Variants in BBS1 observed in about 807,000 individuals in gnomAD.
BBS1 encodes the protein BBSome complex member BBS1.
Under a neutral mutation model 73.9 loss-of-function variants are expected in BBS1, and 60 were observed. The ratio of observed to expected loss-of-function variants is 0.81; its 90% CI spans 0.66 to 1.01. The LOEUF is 1.01. Among genes scored for constraint, BBS1 ranks in the 50% least tolerant of loss-of-function variants. BBS1 has a pLI of 0.00. For synonymous variants in BBS1, 283 were observed against 317.4 expected, an observed-to-expected ratio of 0.89 and a Z score of 1.15; for missense variants, 718 against 770.3, an observed-to-expected ratio of 0.93 and a Z score of 0.80.
At chr11:66,531,124 G>C in intron 15 of BBS1, 96 bp downstream of exon 15, 1 of 1,527,172 alleles carries the variant, frequency 6.5e-7, no homozygotes, top group East Asian at 2.4e-5. Context: ...GGGTCAGAGC[G>C]TGCGGGTGGC....
At chr11:66,521,718 C>A in intron 9 of BBS1, 1 of 334,854 alleles carries the variant, frequency 3.0e-6, no homozygotes, top group Non-Finnish European at 5.8e-6. Context: ...CCAGCCTGGC[C>A]AACATGGTGA....
At position 66,515,732 on chromosome 11, in the gene BBS1, G is replaced by A. The variant is rs771517209; in HGVS notation, c.518+1G>A. On this transcript the variant is annotated splice_donor_variant, in intron 6 of 16. Coordinates refer to ENST00000318312, the MANE Select transcript of BBS1 (RefSeq NM_024649.5). LOFTEE classifies it high-confidence loss of function. ...AGCCTTTGTCCATCCAGTCACTCAGGTAAGGACCCTGTGGAGGGCCAGGGT... is the reference window on the plus strand; with the variant it reads ...AGCCTTTGTCCATCCAGTCACTCAGATAAGGACCCTGTGGAGGGCCAGGGT... 3 of 1,614,190 alleles carry A rather than the reference G, an allele frequency of 1.9e-6. No homozygotes were observed. The highest frequency in any genetic ancestry group is 2.5e-6 in the Non-Finnish European group (3 of 1,180,040).
In BBS1 at chr11:66,526,734, C is replaced by T. The variant is rs775519437; in HGVS notation, c.1266C>T (p.Ala422=). 2 of 1,614,224 alleles carry T rather than the reference C, an allele frequency of 1.2e-6. No homozygotes were observed. The change falls in exon 13 of 17, where the codon GCC becomes GCT. Residue 422 remains alanine (A), a synonymous_variant. Coordinates refer to ENST00000318312, the MANE Select transcript of BBS1 (RefSeq NM_024649.5). ...AGGTGGGTCCCCCACCAGCCCAGGCCATGAAACTCAATGTGCCCCGAAAGA... is the reference window on the plus strand; with the variant it reads ...AGGTGGGTCCCCCACCAGCCCAGGCTATGAAACTCAATGTGCCCCGAAAGA... ...GSEVGPPPAQ[A]MKLNVPRKTR...
intron 8 of BBS1, 146 bp downstream of exon 8, chr11:66,519,894 A>G (rs1351843377): frequency 1.9e-6 from 2 of 1,048,182 alleles, no homozygotes; most frequent in Middle Eastern, 3.1e-4. Flanking sequence ...ATATCCAAAA[A>G]TCCTACCGCC....
intron 7 of BBS1, among the ~76,000 whole-genome samples, chr11:66,518,253 G>A (rs1856098365): frequency 1.3e-5 from 2 of 149,644 alleles, no homozygotes; most frequent in African/African-American, 4.9e-5. Context: ...CACCGCATCC[G>A]GCCTTTTCTT....
At position 66,533,362 on chromosome 11, in the gene BBS1, C is replaced by T. The variant is rs975812461; in HGVS notation, c.*1325C>T. On this transcript the variant is annotated 3_prime_UTR_variant, in exon 17 of 17. Transcript: ENST00000318312. ...TGCTCCCCTACCCAGCAGTCACTTCCAGTTCATTCAGCTATTTTTAAAATG... is the reference window on the plus strand; with the variant it reads ...TGCTCCCCTACCCAGCAGTCACTTCTAGTTCATTCAGCTATTTTTAAAATG... 1.3e-5 allele frequency: 2 copies of T among 152,238 alleles called. No individual in the cohort carries two copies. Among genetic ancestry groups the T allele is most frequent in the Non-Finnish European group, 1.5e-5 (1 of 68,042 alleles). The allele number at this position is 152,238 out of a possible 1,614,324, so 9.4% of individuals were successfully genotyped here.
At position 66,529,825 on chromosome 11, in the gene BBS1, A is replaced by T. The variant is rs777746992; in HGVS notation, c.1346A>T (p.His449Leu). 3.7e-6 allele frequency: 6 copies of T among 1,610,950 alleles called. No homozygotes were observed. The South Asian group carries it at 4.4e-5, about 12-fold the overall frequency. The change falls in exon 14 of 17, where the codon CAC becomes CTC. Residue 449 changes from histidine (H) to leucine (L), a missense_variant. Transcript: ENST00000318312. The part of the protein sequence containing the change: ...LREREAGTAM[H>L]RAFQTDLYLL... The stretch of plus-strand genomic sequence containing the variant: ...CTGGGACCCTTCTCCACAGCCATGC[A>T]CCGGGCCTTCCAGACAGACCTATAC...
In BBS1 at chr11:66,514,665, A is replaced by T; in HGVS notation, c.419A>T (p.Asn140Ile). Residue 140 changes from asparagine to isoleucine, a missense_variant, in exon 4 of 17, where the codon AAC becomes ATC. Coordinates refer to ENST00000318312, the MANE Select transcript of BBS1 (RefSeq NM_024649.5). ...AATCCTCTGGAACAAGACCTTTGGA[A>T]CCAGGCCAAAGAGGTAAATAAATAA... ...PPNPLEQDLWNQAKEDRIDPL... is the reference protein window; with the variant it reads ...PPNPLEQDLWIQAKEDRIDPL... The T allele has an allele frequency of 6.2e-7, 1 of 1,612,134 alleles. No individual in the cohort carries two copies. The highest frequency in any genetic ancestry group is 8.5e-7 in the Non-Finnish European group (1 of 1,180,026).
At chr11:66,523,356 T>C in intron 9 of BBS1, 100 bp from the exon 10 acceptor site, 1 of 1,541,962 alleles carries the variant, frequency 6.5e-7, no homozygotes, top group Non-Finnish European at 9.0e-7. Context: ...GGGGCCAGTG[T>C]TCCTCCCAGG....
chr11:66,510,755 G>A, intron 1 of BBS1, 49 bp downstream of exon 1: 1 of 1,609,850 alleles, frequency 6.2e-7, no homozygotes, highest in Non-Finnish European at 8.5e-7. Context: ...TGTAAAGAGG[G>A]TCCCTTGGTC....
At chr11:66,528,969 A>C in intron 13 of BBS1, 1 of 119,596 alleles carries the variant, frequency 8.4e-6, no homozygotes, top group Non-Finnish European at 1.4e-5. Flanking sequence ...ACTCTGTCTC[A>C]AAAAAAAAAA....
At chr11:66,516,035 ATC>A in intron 7 of BBS1, 102 bp downstream of exon 7, 7 of 1,138,858 alleles carry the variant, frequency 6.1e-6, no homozygotes, top group Non-Finnish European at 9.1e-6. Context: ...CCCAACCAGT[ATC>A]TCTTTGCTAT....
Position 66,532,205 on chromosome 11 carries a change from G to A in BBS1, c.*168G>A. 1.4e-6 allele frequency: 1 copy of A among 709,060 alleles called. No individual in the cohort carries two copies. The highest frequency in any genetic ancestry group is 2.3e-6 in the Non-Finnish European group (1 of 430,422). The allele number at this position is 709,060 out of a possible 1,614,324, so 43.9% of individuals were successfully genotyped here. A position where few individuals can be genotyped will look rare whatever the true frequency, so the allele number is the denominator to read the frequency against. On this transcript the variant is annotated 3_prime_UTR_variant, in exon 17 of 17. Coordinates refer to ENST00000318312, the MANE Select transcript of BBS1 (RefSeq NM_024649.5). ...CCCCACTGTTGGGCCTATAGTAGCA[G>A]GTTAGTGAGTACCTAGGGCGGCTCA...
chr11:66,523,328 C>A, intron 9 of BBS1, 128 bp from the exon 10 acceptor site: 2 of 1,334,806 alleles, frequency 1.5e-6, no homozygotes, highest in Admixed American at 1.7e-5. Context: ...TGGAAATAAT[C>A]CCAGGGTCAT....
At chr11:66,525,499 G>T (rs941643086) in intron 11 of BBS1, among the ~76,000 whole-genome samples, 13 of 152,114 alleles carry the variant, frequency 8.5e-5, no homozygotes, top group African/African-American at 3.1e-4. Context: ...GGAGGCAGAG[G>T]TTGCAGTGAG....
At chr11:66,526,021 A>G (rs1013044386) in intron 11 of BBS1, 102 bp from the exon 12 acceptor site, 21 of 996,074 alleles carry the variant, frequency 2.1e-5, no homozygotes, top group African/African-American at 6.4e-5. Context: ...GCCTGTCTCT[A>G]TCACTTCTCA....
chr11:66,523,797 G>A lies in BBS1; in HGVS notation c.1025G>A (p.Gly342Asp). Residue 342 changes from glycine (G) to aspartate (D), a missense_variant, in exon 11 of 17, where the codon GGC becomes GAC. Transcript: ENST00000318312. ...TMNLLEQHSR[G>D]LQAVMAGLAN... ...AACCTCCTGGAGCAGCATTCCCGGG[G>A]CCTGCAGGCCGTCATGGCTGGGCTG... 2 of 1,613,586 alleles carry A rather than the reference G, an allele frequency of 1.2e-6. No homozygotes were observed. The highest frequency in any genetic ancestry group is 1.7e-6 in the Non-Finnish European group (2 of 1,180,034).
At position 66,526,795 on chromosome 11, in the gene BBS1, G is replaced by A; in HGVS notation, c.1327G>A (p.Glu443Lys). Residue 443 changes from glutamate to lysine, a missense_variant, in exon 13 of 17, where the codon GAG (glutamate) becomes AAG (lysine). Transcript: ENST00000318312. The part of the protein sequence containing the change: ...LYVDQTLRER[E>K]AGTAMHRAFQ... Reference sequence around the variant, plus strand: ...CGTGGATCAGACACTGCGAGAGCGGGAGGCTGGCACCGGTGAGCCTCAGAC... The same window carrying A: ...CGTGGATCAGACACTGCGAGAGCGGAAGGCTGGCACCGGTGAGCCTCAGAC... The A allele has an allele frequency of 6.2e-7, 1 of 1,614,250 alleles. No individual in the cohort carries two copies. Among genetic ancestry groups the A allele is most frequent in the Non-Finnish European group, 8.5e-7 (1 of 1,180,040 alleles).
At chr11:66,529,310 A>C (rs1360208689) in intron 13 of BBS1, 1 of 1,536,194 alleles carries the variant, frequency 6.5e-7, no homozygotes, top group Non-Finnish European at 8.7e-7. Flanking sequence ...CGGAGGCAGG[A>C]CCATGAGGCT....
Sources: allele counts gnomAD v4.1 joint callset (sites outside exome capture counted in the v4.1 genomes callset), GRCh38; gene constraint gnomAD v4.1.1; transcripts MANE v1.5; gene names NCBI Gene and HGNC (gene_info 2026-07-23, HGNC 2026-07-21).